PISD: variants seen among roughly 807,000 people sequenced by gnomAD.
PISD encodes phosphatidylserine decarboxylase proenzyme, mitochondrial.
PISD carries 31 observed loss-of-function variants against 43.5 expected under a neutral mutation model. The observed-to-expected ratio is 0.71, with a 90% confidence interval of 0.54 to 0.96. PISD has a LOEUF of 0.96. PISD is among the 40% of genes least tolerant of loss of function. The pLI is 0.00. For missense variants in PISD, 523 were observed against 548.4 expected, an observed-to-expected ratio of 0.95 and a Z score of 0.46; for synonymous variants, 259 against 228.7, an observed-to-expected ratio of 1.13 and a Z score of -1.20.
chr22:31,634,514 A>G (rs1440076610), intron 3 of PISD, among the ~76,000 whole-genome samples: 1 of 152,234 alleles, frequency 6.6e-6, no homozygotes, highest in Non-Finnish European at 1.5e-5. Context: ...CCAGGCACTC[A>G]GGAAGGGCAG....
chr22:31,659,631 G>A (rs998567840), intron 1 of PISD, among the ~76,000 whole-genome samples: 1 of 151,644 alleles, frequency 6.6e-6, no homozygotes, highest in African/African-American at 2.4e-5. Flanking sequence ...TTGCTCTGTT[G>A]CCGAAGCTGG....
intron 3 of PISD, among the ~76,000 whole-genome samples, chr22:31,637,663 G>A (rs1184321809): frequency 6.6e-6 from 1 of 152,182 alleles, no homozygotes; most frequent in Non-Finnish European, 1.5e-5. Context: ...GAGCAAAGAA[G>A]AAACAGTGAA....
chr22:31,637,149 A>T (rs1347222661), intron 3 of PISD, among the ~76,000 whole-genome samples: 3 of 16,126 alleles, frequency 1.9e-4, no homozygotes, highest in African/African-American at 4.9e-4. Flanking sequence ...AAATTAAAAA[A>T]AAAAAAAAAA....
chr22:31,662,177 C>G lies in PISD; in HGVS notation c.32G>C (p.Gly11Ala), dbSNP rs371988815. MATSVGHRCLGLLHGVAPWRS... is the reference protein window; with the variant it reads MATSVGHRCLALLHGVAPWRS... ...CCACGGCGCGACCCCGTGCAGTAATCCCAGACATCGGTGCCCCACGGACGT... is the reference window on the plus strand; with the variant it reads ...CCACGGCGCGACCCCGTGCAGTAATGCCAGACATCGGTGCCCCACGGACGT... Residue 11 changes from glycine to alanine, a missense_variant, in exon 1 of 8, where the codon GGA becomes GCA. Gly to Ala is a moderately conservative substitution (Grantham distance 60). Transcript: ENST00000439502. The G allele has an allele frequency of 5.0e-6, 8 of 1,606,406 alleles. No individual in the cohort carries two copies. Among genetic ancestry groups the G allele is most frequent in the East Asian group, 2.2e-5 (1 of 44,888 alleles).
intron 3 of PISD, among the ~76,000 whole-genome samples, chr22:31,637,166 TATATATATATATA>T (rs2073518385): frequency 6.1e-5 from 1 of 16,366 alleles, no homozygotes; most frequent in Non-Finnish European, 9.6e-5. Flanking sequence ...AAAAAAAAAA[TATATATATATATA>T]TATATATATA....
At chr22:31,625,854 C>T in intron 3 of PISD, 2 of 1,575,082 alleles carry the variant, frequency 1.3e-6, no homozygotes, top group Non-Finnish European at 1.7e-6. Context: ...CTCACTCGAT[C>T]ACTCCCTTTG....
chr22:31,650,661 CAG>C (rs1313206169), intron 2 of PISD, 36 bp downstream of exon 2: 2 of 1,209,466 alleles, frequency 1.7e-6, no homozygotes, highest in Admixed American at 2.2e-5. Context: ...CAAACTGAGG[CAG>C]AGAGAGGGTC....
intron 5 of PISD, 26 bp downstream of exon 5, chr22:31,621,308 C>A: frequency 6.2e-7 from 1 of 1,613,324 alleles, no homozygotes; most frequent in Non-Finnish European, 8.5e-7. Context: ...GCAGGGCTGC[C>A]TAGCCCCGCC....
chr22:31,623,908 G>A, intron 3 of PISD: 1 of 1,516,894 alleles, frequency 6.6e-7, no homozygotes, highest in African/African-American at 1.4e-5. Flanking sequence ...GCAGGACCCA[G>A]GAGGCTGCCA....
rs561065202 is a variant in PISD at position 31,628,324 on chromosome 22, C to T, written c.322-6439G>A. 3 of 367,014 alleles carry T rather than the reference C, an allele frequency of 8.2e-6. No homozygotes were observed. In the East Asian group the frequency reaches 4.9e-4, roughly 60 times the overall value. The allele number at this position is 367,014 out of a possible 1,614,324, so 22.7% of individuals were successfully genotyped here. ...CCTCCCTATTTCAAATCCTGGCTTG[C>T]CCTCTGCCTATGACAGCCCTGGAAG... On this transcript the variant is annotated intron_variant, in intron 3 of 7. Transcript: ENST00000439502.
At chr22:31,642,059 A>C (rs923916838) in intron 3 of PISD, among the ~76,000 whole-genome samples, 1 of 151,054 alleles carries the variant, frequency 6.6e-6, no homozygotes, top group Non-Finnish European at 1.5e-5. Flanking sequence ...TATGCTCTGC[A>C]ACATTATTCA....
intron 3 of PISD, among the ~76,000 whole-genome samples, chr22:31,640,428 C>G (rs1370039439): frequency 2.6e-5 from 4 of 151,984 alleles, no homozygotes; most frequent in Non-Finnish European, 4.4e-5. Flanking sequence ...AACTCCTGAG[C>G]TCAAGTGATC....
intron 3 of PISD, among the ~76,000 whole-genome samples, chr22:31,627,470 C>T (rs1303619363): frequency 6.6e-6 from 1 of 152,266 alleles, no homozygotes; most frequent in African/African-American, 2.4e-5. Flanking sequence ...CCCACCCTCC[C>T]TGGCCCACCA....
At chr22:31,627,780 C>T (rs921720620) in intron 3 of PISD, among the ~76,000 whole-genome samples, 3 of 152,224 alleles carry the variant, frequency 2.0e-5, no homozygotes, top group Non-Finnish European at 2.9e-5. Flanking sequence ...AAACCCAGCT[C>T]GGCCAAAAAC....
At position 31,648,127 on chromosome 22, in the gene PISD, G is replaced by A; in HGVS notation, c.295C>T (p.Pro99Ser). 1 of 1,611,744 alleles carries A rather than the reference G, an allele frequency of 6.2e-7. No individual in the cohort carries two copies. Reference sequence around the variant, plus strand: ...TCCCAGTGACCAGCAAGTTTGGGTGGAATCTCCAATCCCAGCTTCTCCAGC... The same window carrying A: ...TCCCAGTGACCAGCAAGTTTGGGTGAAATCTCCAATCCCAGCTTCTCCAGC... ...RELEKLGLEI[P>S]PKLAGHWEVA... The change falls in exon 3 of 8, where the codon CCA becomes TCA. Residue 99 changes from proline to serine, a missense_variant. Coordinates refer to ENST00000439502, the MANE Select transcript of PISD (RefSeq NM_001326411.2).
Position 31,648,190 on chromosome 22 carries a change from C to G in PISD, c.232G>C (p.Ala78Pro). The G allele has an allele frequency of 6.2e-7, 1 of 1,612,414 alleles. No individual in the cohort carries two copies. Among genetic ancestry groups the G allele is most frequent in the Non-Finnish European group, 8.5e-7 (1 of 1,179,738 alleles). Residue 78 changes from alanine to proline, a missense_variant, in exon 3 of 8, where the codon GCA (alanine) becomes CCA (proline). Coordinates refer to ENST00000439502, the MANE Select transcript of PISD (RefSeq NM_001326411.2). ...TACTTCTCATACTGCCGGTACCCTG[C>G]ATACCCGCCGCCTGTCACCAACAGA... is the stretch of plus-strand genomic sequence containing the variant. ...PILLVTGGGY[A>P]GYRQYEKYRE...
chr22:31,662,176 T>G lies in PISD; in HGVS notation c.33A>C (p.Gly11=). 1 of 1,606,350 alleles carries G rather than the reference T, an allele frequency of 6.2e-7. No homozygotes were observed. The highest frequency in any genetic ancestry group is 8.5e-7 in the Non-Finnish European group (1 of 1,179,816). MATSVGHRCL[G]LLHGVAPWRS... Reference sequence around the variant, plus strand: ...GCCACGGCGCGACCCCGTGCAGTAATCCCAGACATCGGTGCCCCACGGACG... The same window carrying G: ...GCCACGGCGCGACCCCGTGCAGTAAGCCCAGACATCGGTGCCCCACGGACG... Residue 11 remains glycine, a synonymous_variant, in exon 1 of 8, where the codon GGA becomes GGC. Transcript: ENST00000439502.
At chr22:31,650,834 G>T in intron 1 of PISD, 56 bp from the exon 2 acceptor site, 1 of 1,129,738 alleles carries the variant, frequency 8.9e-7, no homozygotes, top group Non-Finnish European at 1.3e-6. Context: ...AAAATTACTG[G>T]ATTAATCGGC....
At chr22:31,629,309 G>T (rs1015578235) in intron 3 of PISD, 1 of 760,260 alleles carries the variant, frequency 1.3e-6, no homozygotes, top group Admixed American at 6.3e-5. Context: ...TGTGCATGGA[G>T]GGGTGCGTGT....
Sources: allele counts gnomAD v4.1 joint callset (sites outside exome capture counted in the v4.1 genomes callset), GRCh38; gene constraint gnomAD v4.1.1; transcripts MANE v1.5; gene names NCBI Gene and HGNC (gene_info 2026-07-23, HGNC 2026-07-21).